Variants in VPS50 observed in about 807,000 individuals in gnomAD.
The protein encoded by VPS50 is syndetin.
In VPS50, 70 loss-of-function variants were observed where a neutral mutation model predicts 139.7. The observed-to-expected ratio is 0.50, with a 90% confidence interval of 0.41 to 0.61. VPS50 has a LOEUF of 0.61. Ranked by LOEUF, VPS50 falls within the 20% of genes least tolerant of loss-of-function variation. The pLI, the probability that VPS50 is intolerant of heterozygous loss-of-function variation, is 0.00. For synonymous variants in VPS50, 365 were observed against 376.7 expected (o/e 0.97, Z 0.36); for missense variants, 921 against 1,133.7 (o/e 0.81, Z 2.69).
chr7:93,260,453 C>T (rs1231898758), intron 9 of VPS50, among the ~76,000 whole-genome samples: 4 of 152,112 alleles, frequency 2.6e-5, no homozygotes, highest in Admixed American at 2.6e-4. Context: ...GTGAGCATGA[C>T]TCACTGTTGT....
intron 2 of VPS50, among the ~76,000 whole-genome samples, chr7:93,249,772 T>A (rs780134829): frequency 6.6e-5 from 10 of 152,170 alleles, no homozygotes; most frequent in Non-Finnish European, 1.3e-4. Flanking sequence ...TGTGGACTTT[T>A]AGGGAAAGAG....
rs901341969 is a variant in VPS50 at position 93,359,449 on chromosome 7, G to A, written c.*1013G>A. 6.6e-6 allele frequency: 1 copy of A among 152,120 alleles called. No homozygotes were observed. Among genetic ancestry groups the A allele is most frequent in the African/African-American group, 2.4e-5 (1 of 41,432 alleles). 9.4% of individuals were successfully genotyped at this position (152,120 alleles called of 1,614,324 possible). ...CTGGAATCCACTTAGTCTTCAGTAA[G>A]TATGTGCTGTTCCTCTAAACTTTGC... On this transcript the variant is annotated 3_prime_UTR_variant, in exon 28 of 28. Transcript: ENST00000305866.
rs1349784426 is a variant in VPS50 at position 93,240,085 on chromosome 7, AG to A, written c.102+154del. 9.4e-6 allele frequency: 5 copies of A among 534,250 alleles called. No homozygotes were observed. In the East Asian group the frequency reaches 1.5e-4, roughly 17 times the overall value. 33.1% of individuals were successfully genotyped at this position (534,250 alleles called of 1,614,324 possible). A position where few individuals can be genotyped will look rare whatever the true frequency, so the allele number is the denominator to read the frequency against. Reference sequence around the variant, plus strand: ...TAAATTTTTATTGTATAGTAGGTGTAGGGCTTGTTTCATTACACGTTGGGAT... The same window carrying A: ...TAAATTTTTATTGTATAGTAGGTGTAGGCTTGTTTCATTACACGTTGGGAT... On this transcript the variant is annotated intron_variant, in intron 2 of 27. Coordinates refer to ENST00000305866, the MANE Select transcript of VPS50 (RefSeq NM_017667.4).
chr7:93,349,220 A>G (rs1330402683), intron 24 of VPS50, among the ~76,000 whole-genome samples: 2 of 152,130 alleles, frequency 1.3e-5, no homozygotes, highest in Non-Finnish European at 2.9e-5. Context: ...AGACAAAGGG[A>G]ATGGCATGTC....
chr7:93,259,711 A>ATTT, intron 9 of VPS50, 79 bp downstream of exon 9: 1 of 739,304 alleles, frequency 1.4e-6, no homozygotes, highest in Non-Finnish European at 2.4e-6. Context: ...GTTAATAAAC[A>ATTT]TTGAAAATTA....
At position 93,323,751 on chromosome 7, in the gene VPS50, G is replaced by A. The variant is rs2117022108; in HGVS notation, c.1977+19G>A. 1.5e-6 allele frequency: 2 copies of A among 1,335,032 alleles called. No individual in the cohort carries two copies. The highest frequency in any genetic ancestry group is 2.0e-6 in the Non-Finnish European group (2 of 996,288). The allele number at this position is 1,335,032 out of a possible 1,614,324, so 82.7% of individuals were successfully genotyped here. On this transcript the variant is annotated intron_variant, in intron 21 of 27. Transcript: ENST00000305866. ...TGATTCAGTAAGTCCACCTTTAGAG[G>A]GAAAAAAATCTTTCTTTTAAAATTT...
intron 16 of VPS50, among the ~76,000 whole-genome samples, chr7:93,297,737 A>G (rs1584441121): frequency 6.6e-6 from 1 of 152,210 alleles, no homozygotes; most frequent in South Asian, 2.1e-4. Context: ...CACTGCTAAT[A>G]TTTAAAAGAG....
At chr7:93,237,805 G>A (rs537245714) in intron 1 of VPS50, among the ~76,000 whole-genome samples, 3 of 152,134 alleles carry the variant, frequency 2.0e-5, no homozygotes, top group South Asian at 2.1e-4. Context: ...AGGTAAACTC[G>A]TGTCACAGGG....
chr7:93,350,556 G>A (rs141072890), intron 25 of VPS50, among the ~76,000 whole-genome samples: 96 of 152,180 alleles, frequency 6.3e-4, no homozygotes, highest in African/African-American at 1.1e-3. Flanking sequence ...TGTGTCACAC[G>A]CTGATAGAAG....
intron 12 of VPS50, among the ~76,000 whole-genome samples, chr7:93,290,807 A>G (rs1031594779): frequency 2.6e-5 from 4 of 151,984 alleles, no homozygotes; most frequent in Non-Finnish European, 5.9e-5. Flanking sequence ...CATTATGGGA[A>G]GAAAAAGCCT....
chr7:93,325,992 G>A (rs1167232972), intron 21 of VPS50, among the ~76,000 whole-genome samples: 1 of 151,730 alleles, frequency 6.6e-6, no homozygotes, highest in Non-Finnish European at 1.5e-5. Context: ...AAAGACACAT[G>A]CACACGTATG....
chr7:93,241,336 A>G (rs540275138), intron 2 of VPS50, among the ~76,000 whole-genome samples: 1 of 152,220 alleles, frequency 6.6e-6, no homozygotes, highest in East Asian at 1.9e-4. Flanking sequence ...CTGTACTTTT[A>G]GGATAACTGG....
chr7:93,355,072 G>A (rs371884491), intron 26 of VPS50, among the ~76,000 whole-genome samples: 10 of 147,970 alleles, frequency 6.8e-5, no homozygotes, highest in East Asian at 3.9e-4. Flanking sequence ...TGTTTAAGTC[G>A]AAATGTGAAT....
intron 23 of VPS50, among the ~76,000 whole-genome samples, chr7:93,347,256 C>T (rs1287489774): frequency 7.1e-6 from 1 of 140,968 alleles, no homozygotes; most frequent in African/African-American, 2.6e-5. Context: ...CAGAGAAATG[C>T]AAATCAAAAC....
At chr7:93,320,013 G>C (rs1797553921) in intron 20 of VPS50, among the ~76,000 whole-genome samples, 1 of 151,400 alleles carries the variant, frequency 6.6e-6, no homozygotes, top group Admixed American at 6.6e-5. Flanking sequence ...TGTTTCTTTT[G>C]GGATCAACTT....
chr7:93,324,989 T>A (rs951550372), intron 21 of VPS50, among the ~76,000 whole-genome samples: 53 of 152,076 alleles, frequency 3.5e-4, no homozygotes, highest in African/African-American at 1.2e-3. Context: ...CATCGCCAAG[T>A]CAATCCTAAG....
intron 9 of VPS50, among the ~76,000 whole-genome samples, 199 bp downstream of exon 9, chr7:93,259,831 G>T (rs1311858080): frequency 2.6e-5 from 4 of 152,058 alleles, no homozygotes; most frequent in Non-Finnish European, 5.9e-5. Context: ...TTTCATTCCT[G>T]CTTTTTCTTG....
At chr7:93,248,839 G>A (rs1470002757) in intron 2 of VPS50, among the ~76,000 whole-genome samples, 1 of 152,048 alleles carries the variant, frequency 6.6e-6, no homozygotes, top group East Asian at 1.9e-4. Flanking sequence ...AAAAGAACAC[G>A]GTGATCGGGA....
intron 3 of VPS50, 113 bp downstream of exon 3, chr7:93,252,888 C>A: frequency 1.4e-6 from 1 of 698,812 alleles, no homozygotes; most frequent in Non-Finnish European, 2.4e-6. Flanking sequence ...CAGAATAGGT[C>A]TGTGATTACC....
Sources: gnomAD v4.1 joint callset for allele counts (sites outside exome capture counted in the v4.1 genomes callset) on GRCh38, gnomAD v4.1.1 for gene constraint, MANE v1.5 for transcripts, NCBI Gene and HGNC (gene_info 2026-07-23, HGNC 2026-07-21) for gene names.